The following IGF2R variants were observed in gnomAD, a reference collection of about 807,000 sequenced individuals.
IGF2R encodes the protein insulin like growth factor 2 receptor.
Under a neutral mutation model 270.6 loss-of-function variants are expected in IGF2R, and 91 were observed. That is an observed-to-expected ratio of 0.34 (90% CI 0.28 to 0.40). IGF2R has a LOEUF of 0.40. Ranked by LOEUF, IGF2R falls within the 10% of genes least tolerant of loss-of-function variation. The pLI is 1.00. For missense variants in IGF2R, 2,805 were observed against 3,188.3 expected, an observed-to-expected ratio of 0.88 and a Z score of 2.90; for synonymous variants, 1,316 against 1,258.9, an observed-to-expected ratio of 1.05 and a Z score of -0.96.
At chr6:160,033,612 A>C (rs956097388) in intron 9 of IGF2R, among the ~76,000 whole-genome samples, 1 of 152,254 alleles carries the variant, frequency 6.6e-6, no homozygotes, top group Non-Finnish European at 1.5e-5. Context: ...CTGGCTTTAG[A>C]GTAAGAATGC....
intron 19 of IGF2R, among the ~76,000 whole-genome samples, chr6:160,052,871 G>T (rs901009154): frequency 1.3e-5 from 2 of 152,170 alleles, no homozygotes. Flanking sequence ...GGGAAAACTG[G>T]CTAGCCATAT....
chr6:160,073,883 A>G lies in IGF2R; in HGVS notation c.5074A>G (p.Ile1692Val), dbSNP rs562847817. 1.9e-6 allele frequency: 3 copies of G among 1,614,134 alleles called. No homozygotes were observed. Among genetic ancestry groups the G allele is most frequent in the East Asian group, 2.2e-5 (1 of 44,884 alleles). Reference sequence around the variant, plus strand: ...CTCCGATACCAACCCTGATTTCTACATCAATATTTGTCAGCCACTAAATCC... The same window carrying G: ...CTCCGATACCAACCCTGATTTCTACGTCAATATTTGTCAGCCACTAAATCC... The part of the protein sequence containing the change: ...DASDTNPDFY[I>V]NICQPLNPMH... Residue 1692 changes from isoleucine to valine, a missense_variant, in exon 35 of 48, where the codon ATC (isoleucine) becomes GTC (valine). Coordinates refer to ENST00000356956, the MANE Select transcript of IGF2R (RefSeq NM_000876.4).
chr6:160,040,154 C>G (rs1777912614), intron 10 of IGF2R, among the ~76,000 whole-genome samples: 1 of 152,200 alleles, frequency 6.6e-6, no homozygotes, highest in Admixed American at 6.5e-5. Context: ...GGAACTAGAG[C>G]TCCATTTCTG....
chr6:160,046,701 A>C lies in IGF2R; in HGVS notation c.2051+56A>C. On this transcript the variant is annotated intron_variant, in intron 15 of 47. Coordinates refer to ENST00000356956, the MANE Select transcript of IGF2R (RefSeq NM_000876.4). Reference sequence around the variant, plus strand: ...TAGGCATTATATGCTAAGAAATATTATTTTCAGGAATAGGTGTGTTCTCAC... The same window carrying C: ...TAGGCATTATATGCTAAGAAATATTCTTTTCAGGAATAGGTGTGTTCTCAC... 3 of 1,548,664 alleles carry C rather than the reference A, an allele frequency of 1.9e-6. No individual in the cohort carries two copies. The South Asian group carries it at 3.5e-5, about 18-fold the overall frequency.
intron 44 of IGF2R, chr6:160,093,540 G>A: frequency 3.2e-6 from 2 of 623,282 alleles, no homozygotes; most frequent in South Asian, 3.3e-5. Context: ...CCTGGACAAA[G>A]GAGAGAACAG....
In IGF2R at chr6:160,084,208, G is replaced by A. The variant is rs760042861; in HGVS notation, c.6068+24G>A. ...TCGTGAGTGCCTTCCCAGTCCACCC[G>A]CGGCGCCACACCCTCAGCATGTGAA... On this transcript the variant is annotated intron_variant, in intron 40 of 47. Transcript: ENST00000356956. The surrounding 1 kb of genome is among the most constrained non-coding windows in gnomAD (Gnocchi z 4.6). 31 of 1,406,928 alleles carry A rather than the reference G, an allele frequency of 2.2e-5. No individual in the cohort carries two copies. Among genetic ancestry groups the A allele is most frequent in the South Asian group, 4.6e-5 (4 of 86,622 alleles). The allele number at this position is 1,406,928 out of a possible 1,614,324, so 87.2% of individuals were successfully genotyped here.
At chr6:159,989,421 G>A (rs886663652) in intron 1 of IGF2R, among the ~76,000 whole-genome samples, 3 of 152,106 alleles carry the variant, frequency 2.0e-5, no homozygotes, top group East Asian at 1.9e-4. Flanking sequence ...TGCTTCTGTC[G>A]TCAAGGGAGT....
Position 160,040,659 on chromosome 6 carries a change from A to G in IGF2R, c.1415A>G (p.Asp472Gly), listed in dbSNP as rs780042411. Residue 472 changes from aspartate to glycine, a missense_variant, in exon 11 of 48, where the codon GAC becomes GGC. This residue lies in a region of IGF2R where 954 missense variants were observed against 981.1 expected (regional missense o/e 0.97). Coordinates refer to ENST00000356956, the MANE Select transcript of IGF2R (RefSeq NM_000876.4). Reference protein sequence around the residue: ...TEYACVKEKEDLLCGATDGKK... With the variant: ...TEYACVKEKEGLLCGATDGKK... ...TACGCCTGTGTTAAGGAGAAGGAAG[A>G]CCTCCTCTGCGGTGCCACCGACGGG... The G allele has an allele frequency of 6.2e-7, 1 of 1,613,374 alleles. No individual in the cohort carries two copies.
intron 37 of IGF2R, among the ~76,000 whole-genome samples, chr6:160,079,025 T>C (rs1376311739): frequency 5.9e-5 from 9 of 152,294 alleles, no homozygotes; most frequent in Middle Eastern, 3.4e-3. Flanking sequence ...GCACCTGCTG[T>C]GGCACGGCGG....
At chr6:160,009,246 C>T in intron 3 of IGF2R, 112 bp downstream of exon 3, 2 of 886,432 alleles carry the variant, frequency 2.3e-6, no homozygotes, top group Non-Finnish European at 3.3e-6. Flanking sequence ...CTTAGAAACA[C>T]AAATAAGAAA....
intron 1 of IGF2R, 88 bp from the exon 2 acceptor site, chr6:159,991,096 T>G (rs949263535): frequency 2.5e-5 from 33 of 1,294,682 alleles, no homozygotes; most frequent in Non-Finnish European, 3.1e-5. Context: ...GTGGCAGTTT[T>G]AAGCAAATGT....
intron 1 of IGF2R, among the ~76,000 whole-genome samples, chr6:159,986,291 G>C (rs1783882771): frequency 6.6e-6 from 1 of 150,922 alleles, no homozygotes. Flanking sequence ...GAGTGCAGTG[G>C]TGCGATCTCG....
intron 1 of IGF2R, among the ~76,000 whole-genome samples, chr6:159,973,732 A>G (rs1277655224): frequency 6.6e-6 from 1 of 152,248 alleles, no homozygotes; most frequent in Non-Finnish European, 1.5e-5. Flanking sequence ...ACAGATTCCC[A>G]GGAAATGAAT....
chr6:160,062,743 G>A lies in IGF2R; in HGVS notation c.3670+124G>A, dbSNP rs575115573. The stretch of plus-strand genomic sequence containing the variant: ...GCTGGGGTCATGAGACACACGCTAG[G>A]GGGAGGATAATTTCTTTTCCTTGAG... On this transcript the variant is annotated intron_variant, in intron 26 of 47. Coordinates refer to ENST00000356956, the MANE Select transcript of IGF2R (RefSeq NM_000876.4). The A allele has an allele frequency of 1.6e-5, 10 of 619,976 alleles. No homozygotes were observed. In the South Asian group the frequency reaches 2.0e-4, roughly 12 times the overall value. 38.4% of individuals were successfully genotyped at this position (619,976 alleles called of 1,614,324 possible).
intron 41 of IGF2R, 96 bp downstream of exon 41, chr6:160,085,227 CTT>C: frequency 1.5e-6 from 2 of 1,346,948 alleles, no homozygotes; most frequent in South Asian, 2.6e-5. Context: ...TGAGCATGTG[CTT>C]TGGTGGAAAC....
At chr6:160,035,525 T>C (rs1442057153) in intron 10 of IGF2R, among the ~76,000 whole-genome samples, 1 of 152,208 alleles carries the variant, frequency 6.6e-6, no homozygotes, top group African/African-American at 2.4e-5. Flanking sequence ...GTCTTGCCAC[T>C]GGGAAGGCTT....
At position 160,029,639 on chromosome 6, in the gene IGF2R, C is replaced by G. The variant is rs373279911; in HGVS notation, c.866C>G (p.Pro289Arg). 6.2e-7 allele frequency: 1 copy of G among 1,612,836 alleles called. No homozygotes were observed. Among genetic ancestry groups the G allele is most frequent in the Non-Finnish European group, 8.5e-7 (1 of 1,178,902 alleles). ...SPAVTITFVC[P>R]SERREGTIPK... ...GCGGTGACTATTACATTTGTTTGCC[C>G]GTCGGAGCGGAGAGAGGTAAGTGAC... The change falls in exon 7 of 48, where the codon CCG becomes CGG. Residue 289 changes from proline to arginine, a missense_variant. This residue lies in a region of IGF2R where 954 missense variants were observed against 981.1 expected (regional missense o/e 0.97). Coordinates refer to ENST00000356956, the MANE Select transcript of IGF2R (RefSeq NM_000876.4).
intron 2 of IGF2R, among the ~76,000 whole-genome samples, chr6:159,992,463 G>A (rs1054540537): frequency 1.3e-5 from 2 of 152,010 alleles, no homozygotes; most frequent in African/African-American, 4.8e-5. Flanking sequence ...GAGAACATGT[G>A]GTATTTGGTG....
Position 160,079,747 on chromosome 6 carries a change from G to A in IGF2R, c.5646G>A (p.Ala1882=), listed in dbSNP as rs371201097. The change falls in exon 38 of 48, where the codon GCG becomes GCA. Residue 1882 remains alanine (A), a synonymous_variant. Transcript: ENST00000356956. ...TGGATTACAGGCACCAGGATGAAGC[G>A]GTCGTTTTAAGTTACGTGAATGGTG... ...MKLDYRHQDE[A]VVLSYVNGDR... 2.0e-5 allele frequency: 30 copies of A among 1,478,596 alleles called. No homozygotes were observed. Among genetic ancestry groups the A allele is most frequent in the African/African-American group, 4.3e-5 (3 of 70,526 alleles). The allele number at this position is 1,478,596 out of a possible 1,614,324, so 91.6% of individuals were successfully genotyped here.
Sources: allele counts gnomAD v4.1 joint callset (sites outside exome capture counted in the v4.1 genomes callset), GRCh38; gene constraint gnomAD v4.1.1; regional missense constraint gnomAD v4.1.1; non-coding constraint Gnocchi (gnomAD v3.1); transcripts MANE v1.5; gene names NCBI Gene and HGNC (gene_info 2026-07-23, HGNC 2026-07-21).